Variants in THSD7A observed in about 807,000 individuals in gnomAD.
THSD7A encodes the protein thrombospondin type-1 domain-containing protein 7A.
THSD7A carries 96 observed loss-of-function variants against 231.3 expected under a neutral mutation model. That is an observed-to-expected ratio of 0.41 (90% CI 0.35 to 0.49). The LOEUF (loss-of-function observed/expected upper bound fraction) is 0.49. THSD7A is among the 20% of genes least tolerant of loss of function. The pLI, the probability that THSD7A is intolerant of heterozygous loss-of-function variation, is 0.05. For missense variants in THSD7A, 2,290 were observed against 2,070.2 expected, an observed-to-expected ratio of 1.11 and a Z score of -2.06; for synonymous variants, 940 against 743.3, an observed-to-expected ratio of 1.26 and a Z score of -4.30.
chr7:11,443,663 G>C (rs67910311), intron 13 of THSD7A, among the ~76,000 whole-genome samples: 1 of 151,648 alleles, frequency 6.6e-6, no homozygotes, highest in Admixed American at 6.6e-5. Context: ...TTAATAAAAA[G>C]GATCTGGAGA....
intron 2 of THSD7A, among the ~76,000 whole-genome samples, chr7:11,602,921 A>G (rs1780599662): frequency 1.3e-5 from 2 of 151,064 alleles, no homozygotes; most frequent in African/African-American, 2.4e-5. Context: ...AACCATAAAA[A>G]CTCTAGAAGA....
chr7:11,752,357 C>T (rs1782531637), intron 1 of THSD7A, among the ~76,000 whole-genome samples: 1 of 151,904 alleles, frequency 6.6e-6, no homozygotes, highest in Non-Finnish European at 1.5e-5. Flanking sequence ...TCCTGTGCAC[C>T]CCCACATTTT....
rs1782146700 is a variant in THSD7A at position 11,373,628 on chromosome 7, T to A, written c.*2166A>T. On this transcript the variant is annotated 3_prime_UTR_variant, in exon 28 of 28. Coordinates refer to ENST00000423059, the MANE Select transcript of THSD7A (RefSeq NM_015204.3). ...TATTGAATGAGGAATTAGCGCTTACTGCATTTAGTTCTTATTGAAATACAT... is the reference window on the plus strand; with the variant it reads ...TATTGAATGAGGAATTAGCGCTTACAGCATTTAGTTCTTATTGAAATACAT... The A allele has an allele frequency of 6.6e-6, 1 of 152,064 alleles. No individual in the cohort carries two copies. The highest frequency in any genetic ancestry group is 6.6e-5 in the Admixed American group (1 of 15,228). 9.4% of individuals were successfully genotyped at this position (152,064 alleles called of 1,614,324 possible).
chr7:11,562,334 A>G (rs1260402526), intron 4 of THSD7A, among the ~76,000 whole-genome samples: 1 of 152,212 alleles, frequency 6.6e-6, no homozygotes, highest in Non-Finnish European at 1.5e-5. Context: ...ACTTCAGACT[A>G]ATTTGAATAA....
intron 4 of THSD7A, among the ~76,000 whole-genome samples, chr7:11,569,282 T>A (rs188499907): frequency 2.6e-5 from 4 of 152,164 alleles, no homozygotes; most frequent in Admixed American, 2.6e-4. Flanking sequence ...AAACTATTCA[T>A]CCAACAAGGC....
At chr7:11,628,123 T>C (rs1421262088) in intron 2 of THSD7A, among the ~76,000 whole-genome samples, 1 of 152,186 alleles carries the variant, frequency 6.6e-6, no homozygotes, top group Non-Finnish European at 1.5e-5. Flanking sequence ...TGTATATAAC[T>C]TATAAATAAA....
Position 11,417,442 on chromosome 7 carries a change from C to T in THSD7A, c.3537+8G>A. The T allele has an allele frequency of 6.4e-7, 1 of 1,571,774 alleles. No homozygotes were observed. The highest frequency in any genetic ancestry group is 8.6e-7 in the Non-Finnish European group (1 of 1,166,128). Reference sequence around the variant, plus strand: ...ACTCTACATTAATAAAAAGGTTAATCATCTCACCAAAACACATTGGGTCCA... The same window carrying T: ...ACTCTACATTAATAAAAAGGTTAATTATCTCACCAAAACACATTGGGTCCA... On this transcript the variant is annotated splice_region_variant and intron_variant, in intron 17 of 27. Coordinates refer to ENST00000423059, the MANE Select transcript of THSD7A (RefSeq NM_015204.3).
chr7:11,803,915 A>C (rs951267617), intron 1 of THSD7A, among the ~76,000 whole-genome samples: 1 of 152,170 alleles, frequency 6.6e-6, no homozygotes, highest in Non-Finnish European at 1.5e-5. Context: ...CACAGTATAC[A>C]TTACAATATA....
intron 1 of THSD7A, among the ~76,000 whole-genome samples, chr7:11,797,048 A>G (rs1342691519): frequency 6.6e-6 from 1 of 152,156 alleles, no homozygotes; most frequent in East Asian, 1.9e-4. Flanking sequence ...TTATTTGGGG[A>G]AACACTATGG....
chr7:11,735,451 T>G (rs1234283148), intron 1 of THSD7A, among the ~76,000 whole-genome samples: 2 of 151,972 alleles, frequency 1.3e-5, no homozygotes, highest in Non-Finnish European at 2.9e-5. Flanking sequence ...CAAAATTATT[T>G]GAAATCTTGC....
intron 13 of THSD7A, among the ~76,000 whole-genome samples, chr7:11,436,679 GT>G (rs55972329): frequency 0.024 from 3,443 of 145,330 alleles, 65 homozygotes; most frequent in African/African-American, 0.045. Context: ...TTTAAAGTAG[GT>G]TTTTTTTTTT....
intron 7 of THSD7A, 64 bp downstream of exon 7, chr7:11,481,724 C>T: frequency 6.9e-7 from 1 of 1,456,944 alleles, no homozygotes; most frequent in Non-Finnish European, 9.2e-7. Context: ...TTCCAGGCTA[C>T]ACAAAAAAGA....
intron 1 of THSD7A, among the ~76,000 whole-genome samples, chr7:11,736,209 T>A (rs1368504769): frequency 1.3e-5 from 2 of 151,924 alleles, no homozygotes; most frequent in African/African-American, 2.4e-5. Flanking sequence ...TAGAAGTATC[T>A]ATGATATTTC....
In THSD7A at chr7:11,376,662, G is replaced by A; in HGVS notation, c.4802-5C>T. ...CCCAGGTCTTTAGTCTCCCATCTAAGAAGAATGGATATTAGTTATTAATTT... is the reference window on the plus strand; with the variant it reads ...CCCAGGTCTTTAGTCTCCCATCTAAAAAGAATGGATATTAGTTATTAATTT... On this transcript the variant is annotated splice_region_variant and splice_polypyrimidine_tract_variant and intron_variant, in intron 26 of 27. Transcript: ENST00000423059. The A allele has an allele frequency of 3.2e-6, 5 of 1,563,648 alleles. No individual in the cohort carries two copies. Among genetic ancestry groups the A allele is most frequent in the Non-Finnish European group, 4.3e-6 (5 of 1,152,094 alleles).
intron 1 of THSD7A, among the ~76,000 whole-genome samples, chr7:11,730,346 T>A (rs1268791063): frequency 6.6e-6 from 1 of 151,524 alleles, no homozygotes; most frequent in Non-Finnish European, 1.5e-5. Context: ...CAAAGAAAAA[T>A]AAATGGAGTT....
In THSD7A at chr7:11,749,767, T is replaced by C. The variant is rs1212549569; in HGVS notation, c.190+81990A>G. Among the ~76,000 whole-genome samples, 5 of 151,990 alleles carry C rather than the reference T, an allele frequency of 3.3e-5. No homozygotes were observed. The East Asian group carries it at 9.7e-4, about 30-fold the overall frequency. The stretch of plus-strand genomic sequence containing the variant: ...GATAGAATTATATTGCCAATCACAA[T>C]GTAAATTTTGATGAGTAATGAATGC... On this transcript the variant is annotated intron_variant, in intron 1 of 27. Transcript: ENST00000423059.
At chr7:11,691,302 G>C (rs1047776781) in intron 1 of THSD7A, among the ~76,000 whole-genome samples, 3 of 151,404 alleles carry the variant, frequency 2.0e-5, no homozygotes, top group African/African-American at 7.3e-5. Context: ...CATGGTAATA[G>C]GTATTACCAT....
At position 11,632,540 on chromosome 7, in the gene THSD7A, T is replaced by C. The variant is rs1404366552; in HGVS notation, c.1022+3590A>G. 6.6e-6 allele frequency among the ~76,000 whole-genome samples: 1 copy of C among 152,208 alleles called. No homozygotes were observed. Among genetic ancestry groups the C allele is most frequent in the Non-Finnish European group, 1.5e-5 (1 of 68,030 alleles). The stretch of plus-strand genomic sequence containing the variant: ...CATCTGAGGGAAAAGGTCTTATTTT[T>C]ACCACTTGCTTTCTAATTTTCATTT... On this transcript the variant is annotated intron_variant, in intron 2 of 27. Transcript: ENST00000423059. The surrounding 1 kb of genome is among the most constrained non-coding windows in gnomAD (Gnocchi z 4.1).
intron 13 of THSD7A, among the ~76,000 whole-genome samples, chr7:11,442,057 A>T (rs959191220): frequency 6.6e-6 from 1 of 152,096 alleles, no homozygotes; most frequent in Non-Finnish European, 1.5e-5. Flanking sequence ...ACCAAGAGTA[A>T]ATATACAAAA....
Sources: allele counts gnomAD v4.1 joint callset (sites outside exome capture counted in the v4.1 genomes callset), GRCh38; gene constraint gnomAD v4.1.1; non-coding constraint Gnocchi (gnomAD v3.1); transcripts MANE v1.5; gene names NCBI Gene and HGNC (gene_info 2026-07-23, HGNC 2026-07-21).